Variants in ROBO1 observed in about 807,000 individuals in gnomAD.
ROBO1 encodes roundabout homolog 1.
ROBO1 carries 149 observed loss-of-function variants against 195.9 expected under a neutral mutation model. That is an observed-to-expected ratio of 0.76 (90% CI 0.67 to 0.87). The LOEUF is 0.87. ROBO1 is among the 40% of genes least tolerant of loss of function. The pLI is 0.00. For missense variants in ROBO1, 1,933 were observed against 2,068.3 expected, an observed-to-expected ratio of 0.93 and a Z score of 1.27; for synonymous variants, 816 against 733.2, an observed-to-expected ratio of 1.11 and a Z score of -1.82.
chr3:78,912,753 A>G lies in ROBO1; in HGVS notation c.499+25848T>C, dbSNP rs191419237. Among the ~76,000 whole-genome samples the G allele has an allele frequency of 4.0e-3, 609 of 152,244 alleles. 6 individuals are homozygous for G. The highest frequency in any genetic ancestry group is 0.014 in the African/African-American group (585 of 41,552). ...TCAGGCTGTATGTCACAATAAATTA[A>G]AACCTAGGTTACCCTTTTTAAAAAA... On this transcript the variant is annotated intron_variant, in intron 4 of 30. Coordinates refer to ENST00000464233, the MANE Select transcript of ROBO1 (RefSeq NM_002941.4).
At chr3:79,709,139 A>C (rs919403311) in intron 1 of ROBO1, among the ~76,000 whole-genome samples, 10 of 152,148 alleles carry the variant, frequency 6.6e-5, no homozygotes, top group Non-Finnish European at 1.3e-4. Flanking sequence ...AAGCAAAACA[A>C]AATAAGATCA....
At chr3:79,237,373 C>T (rs1189680789) in intron 2 of ROBO1, among the ~76,000 whole-genome samples, 2 of 151,560 alleles carry the variant, frequency 1.3e-5, no homozygotes, top group African/African-American at 2.4e-5. Context: ...CCCAGCTACT[C>T]GGGAGGCTGA....
chr3:79,555,547 A>C (rs1241932175), intron 2 of ROBO1, among the ~76,000 whole-genome samples: 2 of 152,130 alleles, frequency 1.3e-5, no homozygotes, highest in African/African-American at 4.8e-5. Context: ...TCTGGTAGTA[A>C]CATAAATTAA....
chr3:78,888,279 G>T (rs1242834777), intron 4 of ROBO1, among the ~76,000 whole-genome samples: 1 of 152,136 alleles, frequency 6.6e-6, no homozygotes, highest in African/African-American at 2.4e-5. Flanking sequence ...TAAAGTAAAA[G>T]GAGTTCTAAT....
intron 2 of ROBO1, among the ~76,000 whole-genome samples, chr3:79,215,435 ATCT>A (rs1405757862): frequency 6.6e-6 from 1 of 152,132 alleles, no homozygotes; most frequent in Non-Finnish European, 1.5e-5. Context: ...TTTGTGATAT[ATCT>A]TCACTTTCTG....
chr3:79,362,079 G>A (rs2035792511), intron 2 of ROBO1, among the ~76,000 whole-genome samples: 1 of 151,856 alleles, frequency 6.6e-6, no homozygotes, highest in East Asian at 1.9e-4. Flanking sequence ...TGTTGACTTC[G>A]TATAATAATG....
chr3:78,808,903 A>G (rs1280749536), intron 4 of ROBO1, among the ~76,000 whole-genome samples: 1 of 152,208 alleles, frequency 6.6e-6, no homozygotes, highest in Non-Finnish European at 1.5e-5. Context: ...ACTAGAAGAA[A>G]ACCGAGGCAA....
chr3:79,460,165 GC>G (rs1462482437), intron 2 of ROBO1, among the ~76,000 whole-genome samples: 1 of 152,080 alleles, frequency 6.6e-6, no homozygotes, highest in Non-Finnish European at 1.5e-5. Context: ...TAAACGAAGT[GC>G]CTGGTTAGAA....
intron 1 of ROBO1, among the ~76,000 whole-genome samples, chr3:79,611,674 A>C (rs1944662209): frequency 6.6e-6 from 1 of 152,094 alleles, no homozygotes; most frequent in Non-Finnish European, 1.5e-5. Flanking sequence ...ACTCATAAGT[A>C]GCAGTTGAAC....
intron 2 of ROBO1, among the ~76,000 whole-genome samples, chr3:79,575,687 T>C (rs915511156): frequency 1.2e-4 from 18 of 150,842 alleles, no homozygotes; most frequent in East Asian, 1.2e-3. Flanking sequence ...AAAATGTTAG[T>C]GAATAGGCAT....
chr3:78,949,628 A>G (rs2040659342), intron 3 of ROBO1, among the ~76,000 whole-genome samples: 1 of 152,002 alleles, frequency 6.6e-6, no homozygotes, highest in Admixed American at 6.5e-5. Context: ...AAAACACCAA[A>G]AGCAATGGCA....
intron 1 of ROBO1, among the ~76,000 whole-genome samples, chr3:79,659,727 T>C (rs1254702823): frequency 2.6e-5 from 4 of 151,686 alleles, no homozygotes; most frequent in Non-Finnish European, 5.9e-5. Context: ...CATGGAAGAG[T>C]TACTAAGCCA....
chr3:78,654,831 G>C (rs1185317105), intron 18 of ROBO1, among the ~76,000 whole-genome samples: 1 of 152,000 alleles, frequency 6.6e-6, no homozygotes, highest in South Asian at 2.1e-4. Context: ...CCAAAAAACA[G>C]AACTAAATAA....
intron 1 of ROBO1, among the ~76,000 whole-genome samples, chr3:79,713,015 G>A (rs1702335999): frequency 6.6e-6 from 1 of 151,938 alleles, no homozygotes; most frequent in African/African-American, 2.4e-5. Flanking sequence ...CCATGTTGGT[G>A]TGCTGCACCC....
intron 3 of ROBO1, among the ~76,000 whole-genome samples, chr3:79,114,808 C>A (rs2079960735): frequency 6.6e-6 from 1 of 152,074 alleles, no homozygotes; most frequent in South Asian, 2.1e-4. Flanking sequence ...CTGGGTGAGC[C>A]AATCCTCTAT....
intron 2 of ROBO1, among the ~76,000 whole-genome samples, chr3:79,514,013 A>C (rs1445366761): frequency 6.6e-6 from 1 of 152,012 alleles, no homozygotes; most frequent in Non-Finnish European, 1.5e-5. Context: ...GTGATTGAAA[A>C]CCTTTTGTTC....
chr3:78,839,355 T>A (rs1348997118), intron 4 of ROBO1, among the ~76,000 whole-genome samples: 1 of 152,088 alleles, frequency 6.6e-6, no homozygotes, highest in Non-Finnish European at 1.5e-5. Flanking sequence ...TGTATAGTGA[T>A]GATAGGTGGC....
At chr3:79,724,648 T>C (rs997608130) in intron 1 of ROBO1, among the ~76,000 whole-genome samples, 1 of 152,182 alleles carries the variant, frequency 6.6e-6, no homozygotes, top group African/African-American at 2.4e-5. Flanking sequence ...CTAGTATACT[T>C]GCCAAAAACT....
At chr3:79,688,688 T>G (rs1181365040) in intron 1 of ROBO1, among the ~76,000 whole-genome samples, 1 of 152,110 alleles carries the variant, frequency 6.6e-6, no homozygotes, top group Non-Finnish European at 1.5e-5. Context: ...ACTAGAATTT[T>G]ATTTGGATTA....
Sources: gnomAD v4.1 joint callset for allele counts (sites outside exome capture counted in the v4.1 genomes callset) on GRCh38, gnomAD v4.1.1 for gene constraint, MANE v1.5 for transcripts, NCBI Gene and HGNC (gene_info 2026-07-23, HGNC 2026-07-21) for gene names.